Variants in TMEM245 observed in about 807,000 individuals in gnomAD.
TMEM245 encodes transmembrane protein 245, also known as protein CG-2.
TMEM245 carries 69 observed loss-of-function variants against 101.2 expected under a neutral mutation model. The ratio of observed to expected loss-of-function variants is 0.68; its 90% confidence interval spans 0.56 to 0.83. The LOEUF is 0.83. Ranked by LOEUF, TMEM245 falls within the 40% of genes least tolerant of loss-of-function variation. The probability of loss-of-function intolerance (pLI) is 0.00; values close to 1 mark genes in which losing one functional copy is unlikely to be tolerated. For missense variants in TMEM245, 1,075 were observed against 1,092.8 expected (o/e 0.98, Z 0.23); for synonymous variants, 537 against 449.8 (o/e 1.19, Z -2.45).
chr9:109,032,364 C>CTTTTTTTTTTTTTT (rs1564170109), intron 17 of TMEM245, among the ~76,000 whole-genome samples: 1 of 51,786 alleles, frequency 1.9e-5, no homozygotes. Context: ...TATTTCTTTT[C>CTTTTTTTTTTTTTT]CTTTTTTTTT....
intron 9 of TMEM245, 34 bp from the exon 10 acceptor site, chr9:109,064,601 A>G (rs765385158): frequency 3.2e-6 from 5 of 1,582,932 alleles, no homozygotes; most frequent in Non-Finnish European, 4.3e-6. Flanking sequence ...TGAAAAAAGT[A>G]CACTTTCTGT....
At chr9:109,050,805 A>G in intron 12 of TMEM245, 113 bp from the exon 13 acceptor site, 1 of 1,164,068 alleles carries the variant, frequency 8.6e-7, no homozygotes, top group Admixed American at 2.7e-5. Flanking sequence ...AAAAGCTAAG[A>G]ACTGAGGATT....
intron 3 of TMEM245, among the ~76,000 whole-genome samples, chr9:109,104,646 T>C (rs559717622): frequency 6.6e-6 from 1 of 152,284 alleles, no homozygotes; most frequent in East Asian, 1.9e-4. Context: ...ATTTCAAAAC[T>C]ACAGTAATCA....
chr9:109,084,430 CGAT>C (rs1252694448), intron 7 of TMEM245, among the ~76,000 whole-genome samples: 5 of 152,122 alleles, frequency 3.3e-5, no homozygotes, highest in East Asian at 1.9e-4. Flanking sequence ...AAAATTAACT[CGAT>C]GATTCAGTTA....
At chr9:109,097,532 G>C (rs1830173795) in intron 3 of TMEM245, among the ~76,000 whole-genome samples, 2 of 152,208 alleles carry the variant, frequency 1.3e-5, no homozygotes. Flanking sequence ...CTATAGGCAA[G>C]TTAGTTAACG....
At chr9:109,037,288 C>T (rs1167109099) in intron 15 of TMEM245, among the ~76,000 whole-genome samples, 1 of 152,212 alleles carries the variant, frequency 6.6e-6, no homozygotes, top group African/African-American at 2.4e-5. Flanking sequence ...CAACAAGTTG[C>T]TCCCTGCCAA....
chr9:109,028,035 G>GT (rs1223559447), intron 17 of TMEM245, among the ~76,000 whole-genome samples: 1 of 152,098 alleles, frequency 6.6e-6, no homozygotes, highest in East Asian at 1.9e-4. Flanking sequence ...ACCTGATATT[G>GT]TGGTTCTGTT....
chr9:109,076,443 T>C (rs11999350), intron 8 of TMEM245, among the ~76,000 whole-genome samples: 2 of 150,964 alleles, frequency 1.3e-5, no homozygotes, highest in East Asian at 1.9e-4. Context: ...TGACGAGTTA[T>C]TGGGTGCAGC....
intron 17 of TMEM245, among the ~76,000 whole-genome samples, chr9:109,033,010 G>GCTGGGCTCGAACTC (rs1231120287): frequency 1.3e-5 from 2 of 152,034 alleles, no homozygotes; most frequent in East Asian, 3.9e-4. Context: ...TGTTGGCCAG[G>GCTGGGCTCGAACTC]CTGGGCTCGA....
At chr9:109,062,288 C>T (rs749495242) in intron 10 of TMEM245, among the ~76,000 whole-genome samples, 1 of 152,190 alleles carries the variant, frequency 6.6e-6, no homozygotes, top group Non-Finnish European at 1.5e-5. Flanking sequence ...TGAGCCACCA[C>T]ACCCAGCCGA....
intron 12 of TMEM245, 29 bp downstream of exon 12, chr9:109,057,162 T>C: frequency 1.2e-6 from 2 of 1,600,220 alleles, no homozygotes; most frequent in Non-Finnish European, 1.7e-6. Context: ...ATTTTGAACT[T>C]CAGCTTAACT....
chr9:109,026,954 G>A (rs958444925), intron 17 of TMEM245, among the ~76,000 whole-genome samples: 9 of 152,070 alleles, frequency 5.9e-5, no homozygotes, highest in African/African-American at 2.2e-4. Flanking sequence ...ACCAGAAGCA[G>A]GTGCTGGCAG....
At position 109,017,372 on chromosome 9, in the gene TMEM245, T is replaced by A. The variant is rs1827479391; in HGVS notation, c.*3088A>T. On this transcript the variant is annotated 3_prime_UTR_variant, in exon 18 of 18. Coordinates refer to ENST00000374586, the MANE Select transcript of TMEM245 (RefSeq NM_032012.4). ...AGGGTGTGAAGAAACCTTGCAATTT[T>A]AACAATAACTAAGACCAGCATGTAA... The A allele has an allele frequency of 6.6e-6, 1 of 152,174 alleles. No homozygotes were observed. Among genetic ancestry groups the A allele is most frequent in the Non-Finnish European group, 1.5e-5 (1 of 68,030 alleles). The allele number at this position is 152,174 out of a possible 1,614,324, so 9.4% of individuals were successfully genotyped here.
chr9:109,082,877 CGTA>C (rs1015653132), intron 7 of TMEM245, among the ~76,000 whole-genome samples: 1 of 151,714 alleles, frequency 6.6e-6, no homozygotes, highest in Non-Finnish European at 1.5e-5. Context: ...TAAATAAAAA[CGTA>C]TATCCAAGGG....
Position 109,119,423 on chromosome 9 carries a change from C to A in TMEM245, c.491G>T (p.Cys164Phe). The change falls in exon 1 of 18, where the codon TGC becomes TTC. Residue 164 changes from cysteine to phenylalanine, a missense_variant. This residue lies in a region of TMEM245 where 808 missense variants were observed against 741.5 expected (regional missense o/e 1.09). Transcript: ENST00000374586. Reference protein sequence around the residue: ...AGGPLLYGLYCLGSYLGVQVL... With the variant: ...AGGPLLYGLYFLGSYLGVQVL... The stretch of plus-strand genomic sequence containing the variant: ...CTGCACGCCCAAGTAGCTGCCGAGG[C>A]AGTAGAGGCCGTACAGGAGCGGGCC... The A allele has an allele frequency of 1.3e-6, 2 of 1,524,048 alleles. No individual in the cohort carries two copies. The highest frequency in any genetic ancestry group is 1.2e-5 in the South Asian group (1 of 83,248). 94.4% of individuals were successfully genotyped at this position (1,524,048 alleles called of 1,614,324 possible).
chr9:109,033,658 T>A (rs974077664), intron 16 of TMEM245, among the ~76,000 whole-genome samples, 157 bp from the exon 17 acceptor site: 1 of 152,168 alleles, frequency 6.6e-6, no homozygotes, highest in African/African-American at 2.4e-5. Context: ...CTGACTGCAA[T>A]AATATTGAGA....
In TMEM245 at chr9:109,034,951, G is replaced by A. The variant is rs568332889; in HGVS notation, c.2399+1255C>T. Reference sequence around the variant, plus strand: ...GCAGGCGGATCACTTGAGGTCAGGAGTTCAAGATCAGCCTGATCAACATGG... The same window carrying A: ...GCAGGCGGATCACTTGAGGTCAGGAATTCAAGATCAGCCTGATCAACATGG... On this transcript the variant is annotated intron_variant, in intron 16 of 17. Transcript: ENST00000374586. 3.3e-5 allele frequency among the ~76,000 whole-genome samples: 5 copies of A among 152,084 alleles called. No individual in the cohort carries two copies. In the South Asian group the frequency reaches 1.0e-3, roughly 32 times the overall value.
Position 109,119,573 on chromosome 9 carries a change from CGGTGCA to C in TMEM245, c.335_340del (p.Leu112_His113del), listed in dbSNP as rs766284223. 6.5e-7 allele frequency: 1 copy of C among 1,541,480 alleles called. No homozygotes were observed. Among genetic ancestry groups the C allele is most frequent in the South Asian group, 1.2e-5 (1 of 83,818 alleles). On this transcript the variant is annotated inframe_deletion, in exon 1 of 18. Transcript: ENST00000374586. ...GGCCAGGACGATGGGCGTGTGCGCGCGGTGCAGGCGCTGCAGCCAGTGGCGGCCCAG... is the reference window on the plus strand; with the variant it reads ...GGCCAGGACGATGGGCGTGTGCGCGCGGCGCTGCAGCCAGTGGCGGCCCAG...
intron 12 of TMEM245, among the ~76,000 whole-genome samples, chr9:109,051,688 A>T (rs1370858833): frequency 6.6e-6 from 1 of 152,164 alleles, no homozygotes; most frequent in African/African-American, 2.4e-5. Context: ...ATTAACAGAG[A>T]CATTATTATG....
Sources: gnomAD v4.1 joint callset for allele counts (sites outside exome capture counted in the v4.1 genomes callset) on GRCh38, gnomAD v4.1.1 for gene constraint, gnomAD v4.1.1 regional missense constraint, MANE v1.5 for transcripts, NCBI Gene and HGNC (gene_info 2026-07-23, HGNC 2026-07-21) for gene names.